Variants in RCL1 observed in about 807,000 individuals in gnomAD.
RCL1 encodes RNA terminal phosphate cyclase like 1, also known as RNA 3'-terminal phosphate cyclase-like protein.
In RCL1, 24 loss-of-function variants were observed where a neutral mutation model predicts 42.4. The observed-to-expected ratio is 0.57, with a 90% CI of 0.41 to 0.80. The LOEUF (loss-of-function observed/expected upper bound fraction) is 0.80. Ranked by LOEUF, RCL1 falls within the 30% of genes least tolerant of loss-of-function variation. The pLI is 0.00. For missense variants in RCL1, 578 were observed against 467.9 expected (o/e 1.24, Z -2.17); for synonymous variants, 228 against 177.3 (o/e 1.29, Z -2.27).
At chr9:4,816,627 T>G (rs1816387319) in intron 1 of RCL1, among the ~76,000 whole-genome samples, 2 of 152,186 alleles carry the variant, frequency 1.3e-5, no homozygotes, top group African/African-American at 4.8e-5. Context: ...GCATCTTTCT[T>G]AATCACAGTA....
chr9:4,844,766 T>C (rs975173536), intron 7 of RCL1, 85 bp downstream of exon 7: 3 of 1,389,474 alleles, frequency 2.2e-6, no homozygotes, highest in Admixed American at 3.9e-5. Flanking sequence ...TTTCGTCCTC[T>C]TCCAAGGGCT....
intron 1 of RCL1, among the ~76,000 whole-genome samples, chr9:4,794,222 T>G (rs763529233): frequency 5.6e-4 from 85 of 152,348 alleles, no homozygotes; most frequent in East Asian, 3.9e-4. Context: ...TCTGAATGCA[T>G]TTTTTGGATA....
intron 5 of RCL1, among the ~76,000 whole-genome samples, chr9:4,837,630 GGTGTGCAGATGGTC>G (rs1817184339): frequency 6.6e-6 from 1 of 152,230 alleles, no homozygotes; most frequent in South Asian, 2.1e-4. Flanking sequence ...GTTCTCTCTG[GGTGTGCAGATGGTC>G]GTGTCCTTTG....
At chr9:4,844,825 A>G (rs1817458421) in intron 7 of RCL1, 144 bp downstream of exon 7, 4 of 760,270 alleles carry the variant, frequency 5.3e-6, no homozygotes, top group Non-Finnish European at 8.2e-6. Flanking sequence ...TTCAGCCTTA[A>G]CTAGTTTAAT....
At chr9:4,832,420 C>G (rs867696395) in intron 3 of RCL1, among the ~76,000 whole-genome samples, 3 of 152,122 alleles carry the variant, frequency 2.0e-5, no homozygotes, top group Non-Finnish European at 4.4e-5. Flanking sequence ...TGCTTTGACT[C>G]GGAATGCTAC....
At chr9:4,813,769 G>C (rs202080846) in intron 1 of RCL1, among the ~76,000 whole-genome samples, 7 of 152,282 alleles carry the variant, frequency 4.6e-5, no homozygotes, top group African/African-American at 9.6e-5. Flanking sequence ...TTCACAATAG[G>C]AAAGACTTGG....
At chr9:4,844,247 A>G (rs1467006273) in intron 6 of RCL1, among the ~76,000 whole-genome samples, 1 of 152,160 alleles carries the variant, frequency 6.6e-6, no homozygotes, top group Non-Finnish European at 1.5e-5. Context: ...GAAGGCCGCC[A>G]CACCTTTCCT....
intron 5 of RCL1, among the ~76,000 whole-genome samples, chr9:4,840,190 C>G (rs117909388): frequency 6.6e-6 from 1 of 152,206 alleles, no homozygotes; most frequent in Non-Finnish European, 1.5e-5. Context: ...CACTTTGTTT[C>G]TGCAGTTCAG....
chr9:4,853,090 C>A (rs185122446), intron 8 of RCL1, among the ~76,000 whole-genome samples: 3 of 151,994 alleles, frequency 2.0e-5, no homozygotes, highest in Admixed American at 6.6e-5. Flanking sequence ...TAAACAACAC[C>A]GTGTTTACTG....
At chr9:4,806,822 G>A (rs1423325301) in intron 1 of RCL1, among the ~76,000 whole-genome samples, 1 of 152,032 alleles carries the variant, frequency 6.6e-6, no homozygotes, top group Admixed American at 6.6e-5. Flanking sequence ...AAGAGATTGT[G>A]TAGAATTGTT....
chr9:4,830,037 G>C (rs1418753382), intron 3 of RCL1, among the ~76,000 whole-genome samples: 2 of 152,204 alleles, frequency 1.3e-5, no homozygotes, highest in Admixed American at 6.5e-5. Context: ...GAGAAGAGGA[G>C]CTAGAGACAG....
At chr9:4,848,670 G>C (rs1327409252) in intron 7 of RCL1, among the ~76,000 whole-genome samples, 2 of 152,192 alleles carry the variant, frequency 1.3e-5, no homozygotes, top group Non-Finnish European at 2.9e-5. Flanking sequence ...GCTTATGTAT[G>C]CGTCTAGTGG....
chr9:4,828,459 C>T (rs1816840411), intron 3 of RCL1, among the ~76,000 whole-genome samples: 1 of 151,890 alleles, frequency 6.6e-6, no homozygotes, highest in African/African-American at 2.4e-5. Flanking sequence ...AAACTCTTTT[C>T]CCTGGGATAC....
chr9:4,821,348 A>C (rs7038267), intron 1 of RCL1, among the ~76,000 whole-genome samples: 36,259 of 152,030 alleles, frequency 0.24, 4,475 homozygotes, highest in South Asian at 0.36. Flanking sequence ...TGATCAGGGC[A>C]GTCTGTTTGG....
At chr9:4,805,807 G>A (rs942771936) in intron 1 of RCL1, among the ~76,000 whole-genome samples, 4 of 152,180 alleles carry the variant, frequency 2.6e-5, no homozygotes, top group African/African-American at 9.7e-5. Flanking sequence ...TTCCCCAGAG[G>A]CCAGCAGCTG....
chr9:4,827,041 T>C lies in RCL1; in HGVS notation c.384+8T>C, dbSNP rs752197396. On this transcript the variant is annotated splice_region_variant and intron_variant, in intron 3 of 8. Transcript: ENST00000381750. ...GATCAGGTTGACCCTTCAGTGAGTA[T>C]TGAGAACAAACCGTGGTGTGGTTTT... 6.2e-6 allele frequency: 10 copies of C among 1,614,090 alleles called. No homozygotes were observed. Among genetic ancestry groups the C allele is most frequent in the African/African-American group, 5.3e-5 (4 of 74,940 alleles).
At chr9:4,856,862 C>A (rs1817979415) in intron 8 of RCL1, among the ~76,000 whole-genome samples, 1 of 152,198 alleles carries the variant, frequency 6.6e-6, no homozygotes, top group African/African-American at 2.4e-5. Flanking sequence ...ATGCGCTGGT[C>A]ACTTCAGCCA....
chr9:4,797,678 G>A (rs1158680165), intron 1 of RCL1, among the ~76,000 whole-genome samples: 1 of 152,202 alleles, frequency 6.6e-6, no homozygotes, highest in Non-Finnish European at 1.5e-5. Flanking sequence ...CTACTTGACA[G>A]TAGTAATTAA....
At chr9:4,859,656 T>C (rs1818091234) in intron 8 of RCL1, among the ~76,000 whole-genome samples, 1 of 152,174 alleles carries the variant, frequency 6.6e-6, no homozygotes, top group Admixed American at 6.5e-5. Flanking sequence ...TTTCTGTCTT[T>C]GTATAGGCCA....
Sources: gnomAD v4.1 joint callset for allele counts (sites outside exome capture counted in the v4.1 genomes callset) on GRCh38, gnomAD v4.1.1 for gene constraint, MANE v1.5 for transcripts, NCBI Gene and HGNC (gene_info 2026-07-23, HGNC 2026-07-21) for gene names.